The following ZNF792 variants were observed in gnomAD, a reference collection of about 807,000 sequenced individuals.
ZNF792 encodes the protein zinc finger protein 792.
ZNF792 carries 14 observed loss-of-function variants against 13.1 expected under a neutral mutation model. The ratio of observed to expected loss-of-function variants is 1.07; its 90% CI spans 0.71 to 1.67. ZNF792 has a LOEUF of 1.67. Ranked by LOEUF, ZNF792 falls within the 40% of genes most tolerant of loss-of-function variation. The pLI is 0.00. For missense variants in ZNF792, 740 were observed against 807.9 expected (o/e 0.92, Z 1.02); for synonymous variants, 257 against 292.0 (o/e 0.88, Z 1.22).
rs2013506347 is a variant in ZNF792 at position 34,960,258 on chromosome 19, C to A, written c.260G>T (p.Gly87Val). 6.2e-7 allele frequency: 1 copy of A among 1,613,780 alleles called. No individual in the cohort carries two copies. The highest frequency in any genetic ancestry group is 8.5e-7 in the Non-Finnish European group (1 of 1,179,836). Residue 87 changes from glycine to valine, a missense_variant, in exon 3 of 4, where the codon GGG becomes GTG. Coordinates refer to ENST00000404801, the MANE Select transcript of ZNF792 (RefSeq NM_175872.5). Reference protein sequence around the residue: ...SVDMTSAMARGAYGRPGSDFC... With the variant: ...SVDMTSAMARVAYGRPGSDFC... ...ACCAGAGCCAGGCCTGCCATAAGCC[C>A]CTCTGGCCATGGCTGATGTCATATC...
intron 1 of ZNF792, 68 bp downstream of exon 1, chr19:34,963,562 T>C: frequency 7.0e-6 from 11 of 1,566,004 alleles, no homozygotes; most frequent in Non-Finnish European, 9.5e-6. Context: ...AGCCATCTTT[T>C]GCGTCTCAAC....
In ZNF792 at chr19:34,963,857, C is replaced by T. The variant is rs1045851915; in HGVS notation, c.-195G>A. ...GGGCCCGGGGCGCAGGCTCCGGGGG[C>T]GCCGAGAGCGCGCAGCTCCGCTGGG... is the stretch of plus-strand genomic sequence containing the variant. On this transcript the variant is annotated 5_prime_UTR_variant, in exon 1 of 4. Transcript: ENST00000404801. 1 of 610,076 alleles carries T rather than the reference C, an allele frequency of 1.6e-6. No homozygotes were observed. The highest frequency in any genetic ancestry group is 2.7e-6 in the Non-Finnish European group (1 of 368,348). The allele number at this position is 610,076 out of a possible 1,614,324, so 37.8% of individuals were successfully genotyped here. A position where few individuals can be genotyped will look rare whatever the true frequency, so the allele number is the denominator to read the frequency against.
At position 34,958,906 on chromosome 19, in the gene ZNF792, T is replaced by G. The variant is rs763827643; in HGVS notation, c.949A>C (p.Lys317Gln). 6.2e-7 allele frequency: 1 copy of G among 1,613,924 alleles called. No homozygotes were observed. Among genetic ancestry groups the G allele is most frequent in the Admixed American group, 1.7e-5 (1 of 59,998 alleles). The change falls in exon 4 of 4, where the codon AAA (lysine) becomes CAA (glutamine). Residue 317 changes from lysine (K) to glutamine (Q), a missense_variant. Lys to Gln is a moderately conservative substitution (Grantham distance 53, BLOSUM62 1). Coordinates refer to ENST00000404801, the MANE Select transcript of ZNF792 (RefSeq NM_175872.5). ...GKPYECCECG[K>Q]FFSQHSSLVK... Reference sequence around the variant, plus strand: ...AGGCTGGAGTGCTGGCTGAAGAATTTTCCACATTCACAGCACTCATACGGT... The same window carrying G: ...AGGCTGGAGTGCTGGCTGAAGAATTGTCCACATTCACAGCACTCATACGGT...
At chr19:34,960,471 A>T in intron 2 of ZNF792, 114 bp from the exon 3 acceptor site, 2 of 1,325,876 alleles carry the variant, frequency 1.5e-6, no homozygotes, top group Non-Finnish European at 2.1e-6. Flanking sequence ...TGGTCACGGC[A>T]AGCAGTAACC....
At position 34,958,017 on chromosome 19, in the gene ZNF792, C is replaced by A. The variant is rs762865278; in HGVS notation, c.1838G>T (p.Gly613Val). 1 of 1,613,192 alleles carries A rather than the reference C, an allele frequency of 6.2e-7. No individual in the cohort carries two copies. Among genetic ancestry groups the A allele is most frequent in the East Asian group, 2.2e-5 (1 of 44,870 alleles). ...EISSENRPYQGAVNYKLKLVH... is the reference protein window; with the variant it reads ...EISSENRPYQVAVNYKLKLVH... ...AAGTTTCAACTTGTAGTTGACAGCG[C>A]CCTGATAAGGTCTGTTCTCAGAGCT... is the stretch of plus-strand genomic sequence containing the variant. Residue 613 changes from glycine to valine, a missense_variant, in exon 4 of 4, where the codon GGC becomes GTC. Coordinates refer to ENST00000404801, the MANE Select transcript of ZNF792 (RefSeq NM_175872.5).
At position 34,958,695 on chromosome 19, in the gene ZNF792, A is replaced by AC. The variant is rs753083864; in HGVS notation, c.1159dup (p.Val387GlyfsTer9). On this transcript the variant is annotated frameshift_variant, in exon 4 of 4. Coordinates refer to ENST00000404801, the MANE Select transcript of ZNF792 (RefSeq NM_175872.5). LOFTEE classifies it low-confidence loss of function (END_TRUNC). ...CTCATGGGCACTTCTGCCCGTATGAACCCTCTTATGATGAATGAGGTTGGA... is the reference window on the plus strand; with the variant it reads ...CTCATGGGCACTTCTGCCCGTATGAACCCCTCTTATGATGAATGAGGTTGGA... The AC allele has an allele frequency of 6.2e-7, 1 of 1,614,074 alleles. No homozygotes were observed. The highest frequency in any genetic ancestry group is 8.5e-7 in the Non-Finnish European group (1 of 1,179,976).
In ZNF792 at chr19:34,958,103, G is replaced by A; in HGVS notation, c.1752C>T (p.His584=). Residue 584 remains histidine (H), a synonymous_variant, in exon 4 of 4, where the codon CAC becomes CAT. Coordinates refer to ENST00000404801, the MANE Select transcript of ZNF792 (RefSeq NM_175872.5). The stretch of plus-strand genomic sequence containing the variant: ...CATTCTCCATGCTCCTTTCTCTGAT[G>A]TGAATCTTCTGATGCCGAATGAGGG... ...RPTLIRHQKI[H]IRERSMENVL... 6.2e-7 allele frequency: 1 copy of A among 1,613,032 alleles called. No homozygotes were observed. Among genetic ancestry groups the A allele is most frequent in the Non-Finnish European group, 8.5e-7 (1 of 1,179,416 alleles).
chr19:34,961,044 C>T (rs758625515), intron 1 of ZNF792, 50 bp from the exon 2 acceptor site: 30 of 1,574,088 alleles, frequency 1.9e-5, no homozygotes, highest in Admixed American at 3.5e-5. Flanking sequence ...GTCCTTGGGA[C>T]TCCCTATCCA....
Position 34,961,007 on chromosome 19 carries a change from G to T in ZNF792, c.34-13C>A, listed in dbSNP as rs760986553. Reference sequence around the variant, plus strand: ...AGGTCACGCAGCCCTGCCATGATGGGGACAGTTCGTTCCATGATCAGTCTC... The same window carrying T: ...AGGTCACGCAGCCCTGCCATGATGGTGACAGTTCGTTCCATGATCAGTCTC... On this transcript the variant is annotated splice_polypyrimidine_tract_variant and intron_variant, in intron 1 of 3. Coordinates refer to ENST00000404801, the MANE Select transcript of ZNF792 (RefSeq NM_175872.5). 92 of 1,608,308 alleles carry T rather than the reference G, an allele frequency of 5.7e-5. No homozygotes were observed. The South Asian group carries it at 1.0e-3, about 17-fold the overall frequency.
Position 34,960,524 on chromosome 19 carries a change from T to C in ZNF792, c.161-167A>G, listed in dbSNP as rs1203170857. 11 of 881,640 alleles carry C rather than the reference T, an allele frequency of 1.2e-5. No homozygotes were observed. In the East Asian group the frequency reaches 3.0e-4, roughly 24 times the overall value. 54.6% of individuals were successfully genotyped at this position (881,640 alleles called of 1,614,324 possible). ...TCCTGGCACAGTCAGGCTTAGGAAA[T>C]ATTAGCAAGAGGAAAGGCACAGAAT... is the stretch of plus-strand genomic sequence containing the variant. On this transcript the variant is annotated intron_variant, in intron 2 of 3. Transcript: ENST00000404801.
At chr19:34,962,549 T>C (rs994852996) in intron 1 of ZNF792, among the ~76,000 whole-genome samples, 2 of 152,216 alleles carry the variant, frequency 1.3e-5, no homozygotes, top group African/African-American at 2.4e-5. Context: ...ACAGAAGTTA[T>C]TGTTTTTACT....
chr19:34,959,454 C>T lies in ZNF792; in HGVS notation c.401G>A (p.Cys134Tyr), dbSNP rs372047752. The change falls in exon 4 of 4, where the codon TGT becomes TAT. Residue 134 changes from cysteine (C) to tyrosine (Y), a missense_variant. Physicochemically the swap from Cys to Tyr is radical, Grantham distance 194. Transcript: ENST00000404801. ...TTTCAAACGTAGGCCACATATGTCA[C>T]AGGGGCAGGTCTTCTGGGGGCACAG... ...ATLCPQKTCP[C>Y]DICGLRLKDI... 1 of 1,614,028 alleles carries T rather than the reference C, an allele frequency of 6.2e-7. No homozygotes were observed. Among genetic ancestry groups the T allele is most frequent in the Admixed American group, 1.7e-5 (1 of 60,014 alleles).
rs917821263 is a variant in ZNF792, at chr19:34,963,995, C to T, written c.-333G>A. ...CGGGGCAGCTTCACGGGCGTAGCCC[C>T]AGCCGCCCCGCCCCCAACTCGGGGT... On this transcript the variant is annotated 5_prime_UTR_variant, in exon 1 of 4. Coordinates refer to ENST00000404801, the MANE Select transcript of ZNF792 (RefSeq NM_175872.5). The T allele has an allele frequency of 1.3e-5, 4 of 310,914 alleles. No individual in the cohort carries two copies. The highest frequency in any genetic ancestry group is 5.0e-5 in the Admixed American group (1 of 19,966). The allele number at this position is 310,914 out of a possible 1,614,324, so 19.3% of individuals were successfully genotyped here.
chr19:34,962,273 C>G (rs947700607), intron 1 of ZNF792, among the ~76,000 whole-genome samples: 17 of 152,322 alleles, frequency 1.1e-4, no homozygotes, highest in Admixed American at 2.6e-4. Flanking sequence ...AAAGCCAAGG[C>G]TACTTACTCA....
intron 3 of ZNF792, 64 bp from the exon 4 acceptor site, chr19:34,959,635 C>T (rs2013495905): frequency 1.3e-6 from 2 of 1,485,482 alleles, no homozygotes; most frequent in Admixed American, 2.4e-5. Context: ...AGCCCCATCA[C>T]CTATGCTTGG....
rs1274226346 is a variant in ZNF792, at chr19:34,957,302, T to A, written c.*654A>T. ...CAGACCACAATATTATACCCATAAA[T>A]TCCTACAATTTTTCCTAGGAGGCCT... is the stretch of plus-strand genomic sequence containing the variant. On this transcript the variant is annotated 3_prime_UTR_variant, in exon 4 of 4. Transcript: ENST00000404801. 2 of 152,208 alleles carry A rather than the reference T, an allele frequency of 1.3e-5. No individual in the cohort carries two copies. Among genetic ancestry groups the A allele is most frequent in the Non-Finnish European group, 2.9e-5 (2 of 68,048 alleles). 9.4% of individuals were successfully genotyped at this position (152,208 alleles called of 1,614,324 possible).
chr19:34,960,708 T>C (rs568279631), intron 2 of ZNF792, 160 bp downstream of exon 2: 2 of 1,109,016 alleles, frequency 1.8e-6, no homozygotes, highest in African/African-American at 1.6e-5. Flanking sequence ...GAGGGAACAA[T>C]GCACATAGCT....
intron 2 of ZNF792, 164 bp downstream of exon 2, chr19:34,960,704 A>T: frequency 9.5e-7 from 1 of 1,051,704 alleles, no homozygotes; most frequent in East Asian, 2.7e-5. Flanking sequence ...AGAGGAGGGA[A>T]CAATGCACAT....
Position 34,960,229 on chromosome 19 carries a change from G to C in ZNF792, c.283+6C>G, listed in dbSNP as rs903939642. ...ACATCCTCCCCTAGCTCCCATCGCT[G>C]CTTACCAGAGCCAGGCCTGCCATAA... On this transcript the variant is annotated splice_donor_region_variant and intron_variant, in intron 3 of 3. Coordinates refer to ENST00000404801, the MANE Select transcript of ZNF792 (RefSeq NM_175872.5). 6 of 1,613,278 alleles carry C rather than the reference G, an allele frequency of 3.7e-6. No individual in the cohort carries two copies. In the African/African-American group the frequency reaches 6.7e-5, roughly 18 times the overall value.
Sources: gnomAD v4.1 joint callset for allele counts (sites outside exome capture counted in the v4.1 genomes callset) on GRCh38, gnomAD v4.1.1 for gene constraint, MANE v1.5 for transcripts, NCBI Gene and HGNC (gene_info 2026-07-23, HGNC 2026-07-21) for gene names.